The following GTF2F2 variants were observed in gnomAD, a reference collection of about 807,000 sequenced individuals.
GTF2F2 encodes general transcription factor IIF subunit 2.
Under a neutral mutation model 42.2 loss-of-function variants are expected in GTF2F2, and 23 were observed. That is an observed-to-expected ratio of 0.55 (90% CI 0.39 to 0.77). The LOEUF is 0.77. Ranked by LOEUF, GTF2F2 falls within the 30% of genes least tolerant of loss-of-function variation. The probability of loss-of-function intolerance (pLI) is 0.00; values close to 1 mark genes in which losing one functional copy is unlikely to be tolerated. For synonymous variants in GTF2F2, 105 were observed against 100.8 expected (o/e 1.04, Z -0.25); for missense variants, 261 against 287.2 (o/e 0.91, Z 0.66).
chr13:45,248,640 AT>A (rs1230230788), intron 5 of GTF2F2, among the ~76,000 whole-genome samples: 1 of 151,474 alleles, frequency 6.6e-6, no homozygotes, highest in Non-Finnish European at 1.5e-5. Flanking sequence ...TGCCCGGCTG[AT>A]TTTTTTGTAT....
rs570110848 is a variant in GTF2F2 at position 45,236,481 on chromosome 13, C to T, written c.387-16390C>T. Among the ~76,000 whole-genome samples the T allele has an allele frequency of 2.3e-3, 317 of 139,604 alleles. 1 individual carries two copies. Among genetic ancestry groups the T allele is most frequent in the African/African-American group, 9.5e-3 (310 of 32,758 alleles). The allele number at this position is 139,604 out of a possible 152,430, so 91.6% of individuals were successfully genotyped here. On this transcript the variant is annotated intron_variant, in intron 5 of 7. Transcript: ENST00000340473. ...CTCTCTAAATTGATTCCTCACCCCCCGCCACACATACACACACACACACAC... is the reference window on the plus strand; with the variant it reads ...CTCTCTAAATTGATTCCTCACCCCCTGCCACACATACACACACACACACAC...
intron 4 of GTF2F2, among the ~76,000 whole-genome samples, chr13:45,179,358 A>T (rs976777704): frequency 1.1e-4 from 16 of 152,200 alleles, no homozygotes; most frequent in African/African-American, 3.9e-4. Flanking sequence ...CATGTAGCTT[A>T]CCTGGTTACA....
chr13:45,247,677 C>G (rs1157313884), intron 5 of GTF2F2, among the ~76,000 whole-genome samples: 3 of 152,118 alleles, frequency 2.0e-5, no homozygotes, highest in Non-Finnish European at 4.4e-5. Context: ...GCATGAGCCA[C>G]TGTGCCCGGC....
chr13:45,195,146 A>AT (rs1247636793), intron 4 of GTF2F2, among the ~76,000 whole-genome samples: 11 of 152,230 alleles, frequency 7.2e-5, no homozygotes, highest in Admixed American at 7.2e-4. Context: ...TGAGACACAA[A>AT]TAAGAATACT....
intron 1 of GTF2F2, among the ~76,000 whole-genome samples, chr13:45,128,312 C>T (rs1869153530): frequency 6.7e-6 from 1 of 149,078 alleles, no homozygotes; most frequent in Non-Finnish European, 1.5e-5. Flanking sequence ...CAGTGGCTCA[C>T]GCCTGTAATT....
At chr13:45,218,162 C>A (rs1380477539) in intron 5 of GTF2F2, among the ~76,000 whole-genome samples, 1 of 152,184 alleles carries the variant, frequency 6.6e-6, no homozygotes, top group Non-Finnish European at 1.5e-5. Context: ...GTCACCAGGA[C>A]AACCATCTCT....
chr13:45,266,650 T>C (rs965895848), intron 6 of GTF2F2, among the ~76,000 whole-genome samples: 2 of 152,216 alleles, frequency 1.3e-5, no homozygotes, highest in Non-Finnish European at 2.9e-5. Context: ...TGATACAGTT[T>C]TGGCAAAAGG....
chr13:45,240,286 T>G (rs1168131577), intron 5 of GTF2F2, among the ~76,000 whole-genome samples: 1 of 151,954 alleles, frequency 6.6e-6, no homozygotes, highest in Non-Finnish European at 1.5e-5. Flanking sequence ...ATGCCAGTGG[T>G]TATTTCCCAC....
chr13:45,270,722 G>C (rs1876753916), intron 7 of GTF2F2, among the ~76,000 whole-genome samples: 1 of 152,154 alleles, frequency 6.6e-6, no homozygotes, highest in Non-Finnish European at 1.5e-5. Context: ...CTCAAAAATA[G>C]AAAATTACAG....
chr13:45,193,809 A>G (rs753309309), intron 4 of GTF2F2: 29 of 1,598,610 alleles, frequency 1.8e-5, no homozygotes, highest in Non-Finnish European at 2.5e-5. Context: ...AATGAAGTGC[A>G]TCGCTGTGAA....
intron 7 of GTF2F2, among the ~76,000 whole-genome samples, chr13:45,276,379 T>G (rs1419199191): frequency 6.6e-6 from 1 of 152,048 alleles, no homozygotes; most frequent in Non-Finnish European, 1.5e-5. Context: ...TCATTTCTCT[T>G]GGGAGTGGAA....
At chr13:45,237,988 C>T (rs993336266) in intron 5 of GTF2F2, among the ~76,000 whole-genome samples, 5 of 152,120 alleles carry the variant, frequency 3.3e-5, no homozygotes, top group African/African-American at 1.2e-4. Flanking sequence ...AAGTCTCACT[C>T]TGTAGCCCAG....
intron 2 of GTF2F2, among the ~76,000 whole-genome samples, chr13:45,143,073 T>C (rs1342204702): frequency 6.6e-6 from 1 of 150,550 alleles, no homozygotes; most frequent in Non-Finnish European, 1.5e-5. Context: ...TTCAGTGGAG[T>C]GAGACTAGGA....
intron 2 of GTF2F2, among the ~76,000 whole-genome samples, chr13:45,142,644 A>G (rs942236860): frequency 2.6e-5 from 4 of 152,224 alleles, no homozygotes; most frequent in Non-Finnish European, 5.9e-5. Flanking sequence ...TTTAGTGATG[A>G]GAACAGACTT....
intron 5 of GTF2F2, among the ~76,000 whole-genome samples, chr13:45,227,900 A>G (rs1395994814): frequency 6.6e-6 from 1 of 152,202 alleles, no homozygotes; most frequent in African/African-American, 2.4e-5. Flanking sequence ...TGATGGCCCA[A>G]GGGATGAGTT....
intron 2 of GTF2F2, among the ~76,000 whole-genome samples, chr13:45,142,826 G>T (rs900447977): frequency 1.3e-5 from 2 of 151,888 alleles, no homozygotes; most frequent in Non-Finnish European, 2.9e-5. Context: ...TAGGATGGGT[G>T]GGGAATGTCT....
chr13:45,152,629 C>CA (rs796115309), intron 4 of GTF2F2, among the ~76,000 whole-genome samples: 6 of 152,326 alleles, frequency 3.9e-5, no homozygotes, highest in African/African-American at 1.2e-4. Flanking sequence ...TTTTAATTGA[C>CA]ACTGGCTTCC....
chr13:45,252,794 G>A lies in GTF2F2; in HGVS notation c.387-77G>A, dbSNP rs909931871. 19 of 667,300 alleles carry A rather than the reference G, an allele frequency of 2.8e-5. No homozygotes were observed. In the African/African-American group the frequency reaches 3.7e-4, roughly 13 times the overall value. 41.3% of individuals were successfully genotyped at this position (667,300 alleles called of 1,614,324 possible). A position where few individuals can be genotyped will look rare whatever the true frequency, so the allele number is the denominator to read the frequency against. ...TTATATATTAGTTTTCATTGAATAA[G>A]AATTATAGAAATAATAACTCTTCAT... On this transcript the variant is annotated intron_variant, in intron 5 of 7. Coordinates refer to ENST00000340473, the MANE Select transcript of GTF2F2 (RefSeq NM_004128.3).
intron 4 of GTF2F2, among the ~76,000 whole-genome samples, chr13:45,191,224 A>ATATATATATATATATATATAT (rs1555267736): frequency 8.0e-5 from 6 of 75,312 alleles, no homozygotes; most frequent in African/African-American, 5.0e-4. Flanking sequence ...ACAAAAAAAA[A>ATATATATATATATATATATAT]ATATATATAT....
Sources: allele counts gnomAD v4.1 joint callset (sites outside exome capture counted in the v4.1 genomes callset), GRCh38; gene constraint gnomAD v4.1.1; transcripts MANE v1.5; gene names NCBI Gene and HGNC (gene_info 2026-07-23, HGNC 2026-07-21).